ZNF644: variants seen among roughly 807,000 people sequenced by gnomAD.
The protein encoded by ZNF644 is zinc finger protein 644.
ZNF644 carries 20 observed loss-of-function variants against 108.0 expected under a neutral mutation model. The observed-to-expected ratio is 0.19, with a 90% CI of 0.13 to 0.27. The LOEUF (loss-of-function observed/expected upper bound fraction) is 0.27, where lower values mean the gene tolerates loss of function less well. Ranked by LOEUF, ZNF644 falls within the 10% of genes least tolerant of loss-of-function variation. The pLI is 1.00. For missense variants in ZNF644, 1,338 were observed against 1,548.9 expected (o/e 0.86, Z 2.29); for synonymous variants, 542 against 539.1 (o/e 1.01, Z -0.08).
rs1648757622 is a variant in ZNF644 at position 90,916,277 on chromosome 1, T to G, written c.*521A>C. 1 of 157,692 alleles carries G rather than the reference T, an allele frequency of 6.3e-6. No homozygotes were observed. Among genetic ancestry groups the G allele is most frequent in the Admixed American group, 6.2e-5 (1 of 16,200 alleles). 9.8% of individuals were successfully genotyped at this position (157,692 alleles called of 1,614,324 possible). ...ACACTTACACATCTAGATAGAATAG[T>G]ACTCTGCCCTATTTGAGTGAACAGT... On this transcript the variant is annotated 3_prime_UTR_variant, in exon 6 of 6. Coordinates refer to ENST00000337393, the MANE Select transcript of ZNF644 (RefSeq NM_201269.3).
At chr1:90,999,590 A>G (rs1271894553) in intron 1 of ZNF644, among the ~76,000 whole-genome samples, 2 of 152,222 alleles carry the variant, frequency 1.3e-5, no homozygotes, top group Non-Finnish European at 2.9e-5. Context: ...AACATGCCCA[A>G]TTGTAAAGAC....
In ZNF644 at chr1:90,941,096, G is replaced by A; in HGVS notation, c.258C>T (p.Ala86=). The change falls in exon 3 of 6, where the codon GCC becomes GCT. Residue 86 remains alanine (A), a synonymous_variant. Coordinates refer to ENST00000337393, the MANE Select transcript of ZNF644 (RefSeq NM_201269.3). ...ATAGACTAGACTGGCCTCCACTTAA[G>A]GCGTTTTCAGATTTGTCCTTTGACA... is the stretch of plus-strand genomic sequence containing the variant. The part of the protein sequence containing the change: ...EELSKDKSEN[A]LSGGQSSLFI... 2 of 1,614,056 alleles carry A rather than the reference G, an allele frequency of 1.2e-6. No homozygotes were observed. The highest frequency in any genetic ancestry group is 8.5e-7 in the Non-Finnish European group (1 of 1,179,948).
intron 1 of ZNF644, among the ~76,000 whole-genome samples, chr1:91,009,155 T>TA (rs1659712778): frequency 6.6e-6 from 1 of 152,130 alleles, no homozygotes; most frequent in South Asian, 2.1e-4. Context: ...GGGAAAGACT[T>TA]AGTGCCAGCA....
chr1:90,978,352 T>TAA (rs59090395), intron 2 of ZNF644, among the ~76,000 whole-genome samples: 32 of 133,802 alleles, frequency 2.4e-4, no homozygotes, highest in South Asian at 4.7e-4. Context: ...AACTTTGTCT[T>TAA]AAAAAAAAAA....
At chr1:90,965,201 T>C (rs1654735401) in intron 2 of ZNF644, among the ~76,000 whole-genome samples, 1 of 152,184 alleles carries the variant, frequency 6.6e-6, no homozygotes, top group Non-Finnish European at 1.5e-5. Flanking sequence ...CAAAAATTTA[T>C]TGGCTGAAAT....
chr1:90,926,747 A>G (rs1476324612), intron 4 of ZNF644, among the ~76,000 whole-genome samples: 2 of 152,122 alleles, frequency 1.3e-5, no homozygotes, highest in African/African-American at 2.4e-5. Context: ...TATTTCCATA[A>G]TATTACCCAT....
chr1:90,994,604 A>G (rs532614832), intron 1 of ZNF644, among the ~76,000 whole-genome samples: 3 of 152,240 alleles, frequency 2.0e-5, no homozygotes, highest in Non-Finnish European at 4.4e-5. Context: ...TACACTTGAA[A>G]ATAGCACTGT....
At chr1:91,008,577 A>C (rs143589797) in intron 1 of ZNF644, among the ~76,000 whole-genome samples, 83 of 152,292 alleles carry the variant, frequency 5.5e-4, no homozygotes, top group African/African-American at 1.9e-3. Flanking sequence ...AAAACAGTTG[A>C]TAGTTCTGCT....
chr1:90,962,013 T>C (rs1476060289), intron 2 of ZNF644, among the ~76,000 whole-genome samples: 1 of 152,046 alleles, frequency 6.6e-6, no homozygotes, highest in African/African-American at 2.4e-5. Context: ...CATAATCATA[T>C]AAATAAAAGT....
At chr1:90,958,428 T>A (rs1653985775) in intron 2 of ZNF644, among the ~76,000 whole-genome samples, 1 of 151,928 alleles carries the variant, frequency 6.6e-6, no homozygotes, top group Non-Finnish European at 1.5e-5. Flanking sequence ...TTCAACTCTA[T>A]CCCTATCAAA....
chr1:90,938,105 TTAAGAG>T lies in ZNF644; in HGVS notation c.3083-21_3083-16del. 5 of 1,610,542 alleles carry T rather than the reference TTAAGAG, an allele frequency of 3.1e-6. No individual in the cohort carries two copies. The African/African-American group carries it at 4.0e-5, about 13-fold the overall frequency. ...CTTCTCTATAGCTAGAAAAAAATTT[TTAAGAG>T]TAATATCAGACTTTCTTATATAAAC... is the stretch of plus-strand genomic sequence containing the variant. On this transcript the variant is annotated splice_polypyrimidine_tract_variant and intron_variant, in intron 3 of 5. Coordinates refer to ENST00000337393, the MANE Select transcript of ZNF644 (RefSeq NM_201269.3). This position sits in a 1 kb window ranked among gnomAD's most constrained non-coding sequence, Gnocchi z 4.2.
At position 90,946,998 on chromosome 1, in the gene ZNF644, G is replaced by A. The variant is rs537658181; in HGVS notation, c.45-5689C>T. On this transcript the variant is annotated intron_variant, in intron 2 of 5. Transcript: ENST00000337393. ...AACACATCTAAAGAAGCTCCCATGT[G>A]GTAAACGGAAGCAGGTAACTGTGTG... Among the ~76,000 whole-genome samples the A allele has an allele frequency of 2.2e-4, 33 of 152,230 alleles. 1 individual carries two copies. Among genetic ancestry groups the A allele is most frequent in the Admixed American group, 9.2e-4 (14 of 15,288 alleles).
chr1:90,920,820 TA>T (rs1391588409), intron 4 of ZNF644, among the ~76,000 whole-genome samples: 8 of 152,178 alleles, frequency 5.3e-5, no homozygotes, highest in African/African-American at 1.7e-4. Context: ...GTTAAAATAT[TA>T]AAAATCTGGG....
At chr1:90,974,921 G>A (rs144153452) in intron 2 of ZNF644, among the ~76,000 whole-genome samples, 1,662 of 152,144 alleles carry the variant, frequency 0.011, 68 homozygotes, top group Admixed American at 0.084. Context: ...CACACCCCAC[G>A]GTGAGCTCTA....
chr1:90,977,864 T>C (rs1656162462), intron 2 of ZNF644, among the ~76,000 whole-genome samples: 1 of 152,184 alleles, frequency 6.6e-6, no homozygotes, highest in Non-Finnish European at 1.5e-5. Context: ...ATGTGGTAAA[T>C]ATATGGAAAA....
chr1:90,976,795 G>A (rs1656056014), intron 2 of ZNF644, among the ~76,000 whole-genome samples: 1 of 152,006 alleles, frequency 6.6e-6, no homozygotes, highest in Non-Finnish European at 1.5e-5. Flanking sequence ...GAAGGGGATT[G>A]GTTCCAGGAC....
intron 2 of ZNF644, among the ~76,000 whole-genome samples, chr1:90,982,088 C>CA (rs1306967861): frequency 6.6e-6 from 1 of 151,970 alleles, no homozygotes; most frequent in African/African-American, 2.4e-5. Context: ...AACCTCAACA[C>CA]AAAAGAAGGA....
chr1:90,980,036 C>T (rs1007465956), intron 2 of ZNF644, among the ~76,000 whole-genome samples: 1 of 152,132 alleles, frequency 6.6e-6, no homozygotes, highest in African/African-American at 2.4e-5. Context: ...AGTGCCAATG[C>T]CCCCATCCCA....
chr1:90,990,814 G>A (rs553581810), intron 1 of ZNF644, among the ~76,000 whole-genome samples: 7 of 152,228 alleles, frequency 4.6e-5, no homozygotes, highest in East Asian at 3.9e-4. Flanking sequence ...CCTGATTCAC[G>A]TTAACACCAG....
Sources: allele counts gnomAD v4.1 joint callset (sites outside exome capture counted in the v4.1 genomes callset), GRCh38; gene constraint gnomAD v4.1.1; non-coding constraint Gnocchi (gnomAD v3.1); transcripts MANE v1.5; gene names NCBI Gene and HGNC (gene_info 2026-07-23, HGNC 2026-07-21).